Variants in DDR1 observed in about 807,000 individuals in gnomAD.
The protein encoded by DDR1 is epithelial discoidin domain-containing receptor 1.
A neutral mutation model predicts 97.4 loss-of-function variants in DDR1; 64 were observed. That is an observed-to-expected ratio of 0.66 (90% CI 0.54 to 0.81). DDR1 has a LOEUF of 0.81. Among genes scored for constraint, DDR1 ranks in the 30% least tolerant of loss-of-function variants. The probability of loss-of-function intolerance (pLI) is 0.00; values close to 1 mark genes in which losing one functional copy is unlikely to be tolerated. For synonymous variants in DDR1, 458 were observed against 503.7 expected (o/e 0.91, Z 1.21); for missense variants, 990 against 1,259.6 (o/e 0.79, Z 3.24).
chr6:30,891,975 C>T lies in DDR1; in HGVS notation c.666-27C>T, dbSNP rs894316154. On this transcript the variant is annotated intron_variant, in intron 6 of 17. Coordinates refer to ENST00000376568, the MANE Select transcript of DDR1 (RefSeq NM_001297654.2). This position sits in a 1 kb window ranked among gnomAD's most constrained non-coding sequence, Gnocchi z 5.3. The stretch of plus-strand genomic sequence containing the variant: ...TCAAGACCCTCTTCCCTTCCAACCT[C>T]CTCTTCCTTGGTCCCCTCTTCTCCA... 4 of 1,612,278 alleles carry T rather than the reference C, an allele frequency of 2.5e-6. No individual in the cohort carries two copies. The highest frequency in any genetic ancestry group is 3.3e-5 in the Admixed American group (2 of 59,986).
intron 13 of DDR1, 22 bp from the exon 14 acceptor site, chr6:30,896,992 G>A (rs1198023530): frequency 1.2e-6 from 2 of 1,605,358 alleles, no homozygotes; most frequent in South Asian, 1.1e-5. Context: ...TGACCGCCTA[G>A]CAAACGAACT....
Position 30,899,451 on chromosome 6 carries a change from A to G in DDR1, c.*155A>G, listed in dbSNP as rs1792186631. The G allele has an allele frequency of 1.1e-6, 1 of 914,384 alleles. No individual in the cohort carries two copies. Among genetic ancestry groups the G allele is most frequent in the East Asian group, 2.7e-5 (1 of 37,202 alleles). 56.6% of individuals were successfully genotyped at this position (914,384 alleles called of 1,614,324 possible). A position where few individuals can be genotyped will look rare whatever the true frequency, so the allele number is the denominator to read the frequency against. On this transcript the variant is annotated 3_prime_UTR_variant, in exon 18 of 18. Coordinates refer to ENST00000376568, the MANE Select transcript of DDR1 (RefSeq NM_001297654.2). Reference sequence around the variant, plus strand: ...GACTGCAGGTGGGCTGGGCCCACCCAGGGAGCTGATGCCCCTTCTCCCCTT... The same window carrying G: ...GACTGCAGGTGGGCTGGGCCCACCCGGGGAGCTGATGCCCCTTCTCCCCTT...
chr6:30,888,784 G>A lies in DDR1; in HGVS notation c.55G>A (p.Asp19Asn), dbSNP rs1486726894. The A allele has an allele frequency of 3.1e-6, 5 of 1,613,052 alleles. No individual in the cohort carries two copies. Among genetic ancestry groups the A allele is most frequent in the Non-Finnish European group, 4.2e-6 (5 of 1,180,022 alleles). ...LLLLLLVASG[D>N]ADMKGHFDPA... ...GCTGCTGCTCTTGGTGGCAAGTGGAGATGCTGACATGAAGGGACATTTTGA... is the reference window on the plus strand; with the variant it reads ...GCTGCTGCTCTTGGTGGCAAGTGGAAATGCTGACATGAAGGGACATTTTGA... The change falls in exon 2 of 18, where the codon GAT becomes AAT. Residue 19 changes from aspartate to asparagine, a missense_variant. Asp to Asn is a conservative substitution (Grantham distance 23). Coordinates refer to ENST00000376568, the MANE Select transcript of DDR1 (RefSeq NM_001297654.2). This position sits in a 1 kb window ranked among gnomAD's most constrained non-coding sequence, Gnocchi z 4.2.
rs144190319 is a variant in DDR1 at position 30,885,524 on chromosome 6, C to T, written c.-43+814C>T. On this transcript the variant is annotated intron_variant, in intron 1 of 17. Transcript: ENST00000376568. ...ACCCATGTGTGTTAGAGGCTGGGCC[C>T]CAGTTCTCTGGGGATCCTGTGCCCA... 4.1e-3 allele frequency: 5,434 copies of T among 1,310,458 alleles called. 14 individuals carry two copies. Among genetic ancestry groups the T allele is most frequent in the Middle Eastern group, 0.012 (45 of 3,622 alleles). The allele number at this position is 1,310,458 out of a possible 1,614,324, so 81.2% of individuals were successfully genotyped here.
chr6:30,899,429 T>C lies in DDR1; in HGVS notation c.*133T>C, dbSNP rs138606298. 3.6e-5 allele frequency: 45 copies of C among 1,236,614 alleles called. No individual in the cohort carries two copies. The East Asian group carries it at 1.1e-3, about 31-fold the overall frequency. 76.6% of individuals were successfully genotyped at this position (1,236,614 alleles called of 1,614,324 possible). A position where few individuals can be genotyped will look rare whatever the true frequency, so the allele number is the denominator to read the frequency against. On this transcript the variant is annotated 3_prime_UTR_variant, in exon 18 of 18. Coordinates refer to ENST00000376568, the MANE Select transcript of DDR1 (RefSeq NM_001297654.2). ...TCACCTCTAATAGAGGCAGTGAGAC[T>C]GCAGGTGGGCTGGGCCCACCCAGGG...
At chr6:30,884,492 G>C (rs1390453805), upstream of DDR1, 2 of 151,780 alleles carry the variant, frequency 1.3e-5, no homozygotes, top group East Asian at 1.9e-4. The surrounding 1 kb of genome is among the most constrained non-coding windows in gnomAD (Gnocchi z 6.1). Context: ...GGGAGGCGGC[G>C]CCTGGGCCCG....
rs1360963848 is a variant in DDR1, at chr6:30,899,252, C to T, written c.2698C>T (p.Gln900Ter). The T allele has an allele frequency of 1.9e-6, 3 of 1,613,892 alleles. No homozygotes were observed. The highest frequency in any genetic ancestry group is 1.1e-5 in the South Asian group (1 of 91,080). ...GTCTGAGCAGCGACCACCCTTTTCC[C>T]AGCTGCATCGGTTCCTGGCAGAGGA... ...RESEQRPPFSQLHRFLAEDAL... is the reference protein window; with the variant it reads ...RESEQRPPFS Residue 900 changes from glutamine (Q) to a stop codon, truncating the protein, a stop_gained, in exon 18 of 18, where the codon CAG (glutamine) becomes TAG (stop). Transcript: ENST00000376568. LOFTEE classifies it high-confidence loss of function.
Position 30,891,218 on chromosome 6 carries a change from G to A in DDR1, c.565+98G>A. On this transcript the variant is annotated intron_variant, in intron 5 of 17. Transcript: ENST00000376568. This position sits in a 1 kb window ranked among gnomAD's most constrained non-coding sequence, Gnocchi z 5.3. ...CATCCAGGATCCCTTCTCCTGCTGG[G>A]AAGCTGTCACTCTGAGGAGGGGGCT... is the stretch of plus-strand genomic sequence containing the variant. The A allele has an allele frequency of 6.5e-7, 1 of 1,547,840 alleles. No individual in the cohort carries two copies. The highest frequency in any genetic ancestry group is 8.8e-7 in the Non-Finnish European group (1 of 1,137,554).
At position 30,894,708 on chromosome 6, in the gene DDR1, C is replaced by T; in HGVS notation, c.1513+37C>T. ...CTTGTTCCAGTCGCACCTCTGTCCT[C>T]TCTGCTGTTTTCTTATTGTATCCCT... On this transcript the variant is annotated intron_variant, in intron 11 of 17. Transcript: ENST00000376568. The surrounding 1 kb of genome is among the most constrained non-coding windows in gnomAD (Gnocchi z 5.7). The T allele has an allele frequency of 6.6e-7, 1 of 1,517,452 alleles. No homozygotes were observed. Among genetic ancestry groups the T allele is most frequent in the South Asian group, 1.3e-5 (1 of 77,194 alleles). The allele number at this position is 1,517,452 out of a possible 1,614,324, so 94.0% of individuals were successfully genotyped here.
chr6:30,885,472 C>A, intron 1 of DDR1: 1 of 924,952 alleles, frequency 1.1e-6, no homozygotes, highest in Non-Finnish European at 1.6e-6. Flanking sequence ...CTGTTCCCTG[C>A]CCCCTCGACG....
chr6:30,894,909 C>T lies in DDR1; in HGVS notation c.1513+238C>T, dbSNP rs980797083. On this transcript the variant is annotated intron_variant, in intron 11 of 17. Transcript: ENST00000376568. This position sits in a 1 kb window ranked among gnomAD's most constrained non-coding sequence, Gnocchi z 5.7. ...TCTTGTCTGTGTCCCACAGACATCTCTCTATCTTTGTTGTACCCTCTCATT... is the reference window on the plus strand; with the variant it reads ...TCTTGTCTGTGTCCCACAGACATCTTTCTATCTTTGTTGTACCCTCTCATT... Among the ~76,000 whole-genome samples the T allele has an allele frequency of 7.2e-5, 11 of 152,138 alleles. No individual in the cohort carries two copies. The highest frequency in any genetic ancestry group is 2.7e-4 in the African/African-American group (11 of 41,412).
chr6:30,898,137 A>C lies in DDR1; in HGVS notation c.2281A>C (p.Asn761His). 1.2e-6 allele frequency: 2 copies of C among 1,614,232 alleles called. No homozygotes were observed. Among genetic ancestry groups the C allele is most frequent in the Non-Finnish European group, 1.7e-6 (2 of 1,180,040 alleles). Residue 761 changes from asparagine to histidine, a missense_variant, in exon 16 of 18, where the codon AAC (asparagine) becomes CAC (histidine). Asn to His is a moderately conservative substitution (Grantham distance 68, BLOSUM62 1). Transcript: ENST00000376568. Reference sequence around the variant, plus strand: ...CGGCATGCGCTATCTGGCCACACTCAACTTTGTACATCGGGACCTGGCCAC... The same window carrying C: ...CGGCATGCGCTATCTGGCCACACTCCACTTTGTACATCGGGACCTGGCCAC... ...ASGMRYLATL[N>H]FVHRDLATRN...
In DDR1 at chr6:30,892,458, G is replaced by A. The variant is rs2150358482; in HGVS notation, c.1015G>A (p.Gly339Ser). The change falls in exon 8 of 18, where the codon GGC becomes AGC. Residue 339 changes from glycine to serine, a missense_variant. Physicochemically the swap from Gly to Ser is moderately conservative, Grantham distance 56. Coordinates refer to ENST00000376568, the MANE Select transcript of DDR1 (RefSeq NM_001297654.2). ...PRARAVSVPL[G>S]GRVARFLQCR... ...AGCCCGGGCTGTCTCAGTGCCCCTT[G>A]GCGGCCGTGTGGCTCGCTTTCTGCA... is the stretch of plus-strand genomic sequence containing the variant. The A allele has an allele frequency of 6.2e-7, 1 of 1,609,812 alleles. No homozygotes were observed. Among genetic ancestry groups the A allele is most frequent in the Non-Finnish European group, 8.5e-7 (1 of 1,179,682 alleles).
chr6:30,884,019 C>G (rs1784805725), upstream of DDR1: 1 of 153,326 alleles, frequency 6.5e-6, no homozygotes, highest in Non-Finnish European at 1.5e-5. This position sits in a 1 kb window ranked among gnomAD's most constrained non-coding sequence, Gnocchi z 6.1. Context: ...GCTTCTTCCT[C>G]TGTGCCCTGG....
Position 30,893,376 on chromosome 6 carries a change from A to T in DDR1, c.1300A>T (p.Ile434Phe). Residue 434 changes from isoleucine (I) to phenylalanine (F), a missense_variant, in exon 10 of 18, where the codon ATT becomes TTT. By Grantham distance (21) the Ile-to-Phe change is conservative. Coordinates refer to ENST00000376568, the MANE Select transcript of DDR1 (RefSeq NM_001297654.2). ...VAIILLLLLIIALMLWRLHWR... is the reference protein window; with the variant it reads ...VAIILLLLLIFALMLWRLHWR... ...CATCATCCTGCTCCTGCTGCTCATC[A>T]TTGCCCTCATGCTCTGGCGGCTGCA... 6.2e-7 allele frequency: 1 copy of T among 1,607,736 alleles called. No individual in the cohort carries two copies. Among genetic ancestry groups the T allele is most frequent in the East Asian group, 2.2e-5 (1 of 44,854 alleles).
Position 30,894,512 on chromosome 6 carries a change from C to A in DDR1, c.1354C>A (p.Arg452=), listed in dbSNP as rs1437953800. Residue 452 remains arginine (R), a synonymous_variant, in exon 11 of 18, where the codon CGG becomes AGG. Coordinates refer to ENST00000376568, the MANE Select transcript of DDR1 (RefSeq NM_001297654.2). The surrounding 1 kb of genome is among the most constrained non-coding windows in gnomAD (Gnocchi z 5.7). Reference sequence around the variant, plus strand: ...CTCCCATCCCTATGACAAGGCTGAACGGAGGGTGTTGGAAGAGGAGCTGAC... The same window carrying A: ...CTCCCATCCCTATGACAAGGCTGAAAGGAGGGTGTTGGAAGAGGAGCTGAC... ...HWRRLLSKAE[R]RVLEEELTVH... The A allele has an allele frequency of 6.2e-7, 1 of 1,607,886 alleles. No individual in the cohort carries two copies. Among genetic ancestry groups the A allele is most frequent in the Non-Finnish European group, 8.5e-7 (1 of 1,176,818 alleles).
chr6:30,891,225 T>G lies in DDR1; in HGVS notation c.565+105T>G. On this transcript the variant is annotated intron_variant, in intron 5 of 17. Transcript: ENST00000376568. The surrounding 1 kb of genome is among the most constrained non-coding windows in gnomAD (Gnocchi z 5.3). ...GATCCCTTCTCCTGCTGGGAAGCTG[T>G]CACTCTGAGGAGGGGGCTAGCCAGC... 3 of 1,531,780 alleles carry G rather than the reference T, an allele frequency of 2.0e-6. No homozygotes were observed. The highest frequency in any genetic ancestry group is 2.7e-6 in the Non-Finnish European group (3 of 1,125,264). The allele number at this position is 1,531,780 out of a possible 1,614,324, so 94.9% of individuals were successfully genotyped here.
intron 8 of DDR1, 69 bp from the exon 9 acceptor site, chr6:30,892,999 A>G: frequency 7.4e-7 from 1 of 1,359,108 alleles, no homozygotes; most frequent in South Asian, 1.3e-5. Flanking sequence ...ACAACAGTCC[A>G]CTGCCTCTGC....
In DDR1 at chr6:30,888,959, A is replaced by G. The variant is rs2150290073; in HGVS notation, c.137A>G (p.Asp46Gly). Residue 46 changes from aspartate (D) to glycine (G), a missense_variant, in exon 3 of 18, where the codon GAC becomes GGC. Asp to Gly is a moderately conservative substitution (Grantham distance 94). Coordinates refer to ENST00000376568, the MANE Select transcript of DDR1 (RefSeq NM_001297654.2). This position sits in a 1 kb window ranked among gnomAD's most constrained non-coding sequence, Gnocchi z 4.2. ...GMQDRTIPDSDISASSSWSDS... is the reference protein window; with the variant it reads ...GMQDRTIPDSGISASSSWSDS... ...CAGGACCGGACCATCCCAGACAGTG[A>G]CATCTCTGCTTCCAGCTCCTGGTCA... is the stretch of plus-strand genomic sequence containing the variant. 1 of 1,612,912 alleles carries G rather than the reference A, an allele frequency of 6.2e-7. No homozygotes were observed. Among genetic ancestry groups the G allele is most frequent in the Non-Finnish European group, 8.5e-7 (1 of 1,179,994 alleles).
Sources: gnomAD v4.1 joint callset for allele counts (sites outside exome capture counted in the v4.1 genomes callset) on GRCh38, gnomAD v4.1.1 for gene constraint, Gnocchi (gnomAD v3.1) non-coding constraint, MANE v1.5 for transcripts, NCBI Gene and HGNC (gene_info 2026-07-23, HGNC 2026-07-21) for gene names.